The following RAP1GAP2 variants were observed in gnomAD, a reference collection of about 807,000 sequenced individuals.
RAP1GAP2 encodes the protein rap1 GTPase-activating protein 2.
In RAP1GAP2, 27 loss-of-function variants were observed where a neutral mutation model predicts 95.0. The ratio of observed to expected loss-of-function variants is 0.28; its 90% confidence interval spans 0.21 to 0.39. RAP1GAP2 has a LOEUF of 0.39. Among genes scored for constraint, RAP1GAP2 ranks in the 10% least tolerant of loss-of-function variants. The pLI, the probability that RAP1GAP2 is intolerant of heterozygous loss-of-function variation, is 1.00. For synonymous variants in RAP1GAP2, 373 were observed against 380.9 expected (o/e 0.98, Z 0.24); for missense variants, 771 against 970.0 (o/e 0.79, Z 2.72).
intron 2 of RAP1GAP2, among the ~76,000 whole-genome samples, chr17:2,838,910 C>A (rs979114606): frequency 3.3e-5 from 5 of 152,096 alleles, no homozygotes; most frequent in Non-Finnish European, 7.3e-5. Flanking sequence ...AAGCCTCAGG[C>A]CTTGGGCAGG....
intron 2 of RAP1GAP2, among the ~76,000 whole-genome samples, chr17:2,872,356 G>C (rs1176547902): frequency 6.6e-6 from 1 of 152,096 alleles, no homozygotes; most frequent in Non-Finnish European, 1.5e-5. Flanking sequence ...ATGCTCTGAT[G>C]GACCATAGGC....
At chr17:2,899,575 A>T (rs1239045828) in intron 2 of RAP1GAP2, among the ~76,000 whole-genome samples, 2 of 151,308 alleles carry the variant, frequency 1.3e-5, no homozygotes, top group East Asian at 3.9e-4. Flanking sequence ...CAGTGGCACA[A>T]TCTTGGCTCA....
chr17:2,810,027 C>T (rs547105911), intron 2 of RAP1GAP2, among the ~76,000 whole-genome samples: 25 of 149,252 alleles, frequency 1.7e-4, no homozygotes, highest in African/African-American at 4.4e-4. Context: ...CCCTCCCCTC[C>T]CCCCGCCCCA....
chr17:2,997,944 A>T (rs1276188003), intron 13 of RAP1GAP2, among the ~76,000 whole-genome samples: 1 of 151,874 alleles, frequency 6.6e-6, no homozygotes, highest in Non-Finnish European at 1.5e-5. Context: ...AAAAAGAAAA[A>T]AAAAAGATTG....
intron 10 of RAP1GAP2, among the ~76,000 whole-genome samples, chr17:2,984,178 G>A (rs984742568): frequency 2.0e-5 from 3 of 151,932 alleles, no homozygotes; most frequent in East Asian, 1.9e-4. Flanking sequence ...GTGAAACCCC[G>A]TCTCTACTAA....
intron 1 of RAP1GAP2, among the ~76,000 whole-genome samples, chr17:2,766,136 G>C (rs2068271547): frequency 6.6e-6 from 1 of 152,180 alleles, no homozygotes; most frequent in Non-Finnish European, 1.5e-5. Flanking sequence ...TGGCAGCCTT[G>C]TGCTCTGCAG....
intron 22 of RAP1GAP2, among the ~76,000 whole-genome samples, chr17:3,030,644 G>A (rs995066200): frequency 2.6e-5 from 4 of 152,158 alleles, no homozygotes; most frequent in East Asian, 1.9e-4. Flanking sequence ...AGGAAGTGAC[G>A]AATTTCAAGT....
Position 2,930,933 on chromosome 17 carries a change from G to C in RAP1GAP2, c.165+25565G>C, listed in dbSNP as rs563923863. On this transcript the variant is annotated intron_variant, in intron 3 of 24. Coordinates refer to ENST00000254695, the MANE Select transcript of RAP1GAP2 (RefSeq NM_015085.5). ...GAGGTCAGGAGTTTGAGACCAGCCT[G>C]GCCAACATGGTGAAACTTCATCCCT... Among the ~76,000 whole-genome samples the C allele has an allele frequency of 5.3e-5, 8 of 152,228 alleles. 1 individual carries two copies. In the South Asian group the frequency reaches 1.7e-3, roughly 32 times the overall value.
chr17:2,951,947 T>A (rs1423970783), intron 3 of RAP1GAP2, among the ~76,000 whole-genome samples: 1 of 151,848 alleles, frequency 6.6e-6, no homozygotes, highest in African/African-American at 2.4e-5. Context: ...GGCAGGAGAA[T>A]CGCTTGAACC....
chr17:2,772,855 C>CTTTCTTTTTTTTTTTTTTTTTTTTTTTTT, upstream of RAP1GAP2, among the ~76,000 whole-genome samples: 1 of 126,038 alleles, frequency 7.9e-6, no homozygotes, highest in Non-Finnish European at 1.7e-5. Context: ...TTCTTTCTTT[C>CTTTCTTTTTTTTTTTTTTTTTTTTTTTTT]TTTTTTTTTT....
At chr17:2,868,692 AT>A (rs35595797) in intron 2 of RAP1GAP2, among the ~76,000 whole-genome samples, 105,874 of 151,526 alleles carry the variant, frequency 0.7, 37,192 homozygotes, top group East Asian at 0.86. Flanking sequence ...TAATTTCTGT[AT>A]TTTTTAGTAG....
intron 2 of RAP1GAP2, among the ~76,000 whole-genome samples, chr17:2,852,684 C>G (rs1021897150): frequency 2.6e-5 from 4 of 152,236 alleles, no homozygotes; most frequent in African/African-American, 9.6e-5. Flanking sequence ...TTGGCTTGTT[C>G]TAATTCCTTT....
At chr17:2,883,295 C>T (rs2073372579) in intron 2 of RAP1GAP2, among the ~76,000 whole-genome samples, 1 of 152,182 alleles carries the variant, frequency 6.6e-6, no homozygotes. Context: ...TTTCTGTCTG[C>T]AGGTCGGTGT....
Position 2,906,686 on chromosome 17 carries a change from A to G in RAP1GAP2, c.165+1318A>G, listed in dbSNP as rs2042208749. On this transcript the variant is annotated intron_variant, in intron 3 of 24. Transcript: ENST00000254695. The surrounding 1 kb of genome is among the most constrained non-coding windows in gnomAD (Gnocchi z 4.3). The stretch of plus-strand genomic sequence containing the variant: ...ACCATTCCGAGTGTCCCCTTGGTCT[A>G]CAAAGGTGGCTGTGGGATGCTTGTC... 6.6e-6 allele frequency among the ~76,000 whole-genome samples: 1 copy of G among 152,038 alleles called. No individual in the cohort carries two copies. The highest frequency in any genetic ancestry group is 2.1e-4 in the South Asian group (1 of 4,828).
rs2070599911 is a variant in RAP1GAP2, at chr17:2,827,046, G to T, written c.80+26496G>T. Among the ~76,000 whole-genome samples, 1 of 150,388 alleles carries T rather than the reference G, an allele frequency of 6.6e-6. No individual in the cohort carries two copies. Among genetic ancestry groups the T allele is most frequent in the Non-Finnish European group, 1.5e-5 (1 of 68,012 alleles). ...AGAAAGAAAGAAAGAGAGAGAGAAA[G>T]AAAGAAAGAGAAAGTCCCATGGAAA... On this transcript the variant is annotated intron_variant, in intron 2 of 24. Transcript: ENST00000254695. This position sits in a 1 kb window ranked among gnomAD's most constrained non-coding sequence, Gnocchi z 4.1.
chr17:2,763,753 T>C (rs1207835538), intron 1 of RAP1GAP2, among the ~76,000 whole-genome samples: 2 of 29,324 alleles, frequency 6.8e-5, no homozygotes, highest in Non-Finnish European at 1.4e-4. Flanking sequence ...CTCTGGGAGA[T>C]GGGGGTGGAG....
At chr17:2,983,052 C>T (rs565422664) in intron 10 of RAP1GAP2, among the ~76,000 whole-genome samples, 2 of 152,302 alleles carry the variant, frequency 1.3e-5, no homozygotes, top group South Asian at 4.1e-4. Context: ...CGGGCAGCAG[C>T]GCCGTCGCTG....
chr17:2,831,009 CCTCCTCTCCCCTCCCT>C (rs2070820289), intron 2 of RAP1GAP2, among the ~76,000 whole-genome samples: 1 of 78,404 alleles, frequency 1.3e-5, no homozygotes, highest in African/African-American at 5.3e-5. Context: ...CCTCCCCTCC[CCTCCTCTCCCCTCCCT>C]TTCCTTCCCC....
At chr17:2,873,752 T>C (rs548283931) in intron 2 of RAP1GAP2, among the ~76,000 whole-genome samples, 3 of 152,136 alleles carry the variant, frequency 2.0e-5, no homozygotes, top group South Asian at 4.2e-4. Flanking sequence ...AATTGTATAC[T>C]TTATTATTTA....
Sources: gnomAD v4.1 joint callset for allele counts (sites outside exome capture counted in the v4.1 genomes callset) on GRCh38, gnomAD v4.1.1 for gene constraint, Gnocchi (gnomAD v3.1) non-coding constraint, MANE v1.5 for transcripts, NCBI Gene and HGNC (gene_info 2026-07-23, HGNC 2026-07-21) for gene names.